The following DPRX variants were observed in gnomAD, a reference collection of about 807,000 sequenced individuals.
The protein encoded by DPRX is divergent paired-related homeobox.
A neutral mutation model predicts 8.4 loss-of-function variants in DPRX; 11 were observed. That is an observed-to-expected ratio of 1.31 (90% CI 0.82 to 2.17). DPRX has a LOEUF of 2.17. Among genes scored for constraint, DPRX ranks in the 30% most tolerant of loss-of-function variants. The pLI is 0.00. For missense variants in DPRX, 211 were observed against 236.7 expected (o/e 0.89, Z 0.71); for synonymous variants, 72 against 87.0 (o/e 0.83, Z 0.96).
chr19:53,622,030 G>A, the DPRX span, among the ~76,000 whole-genome samples: 1 of 152,048 alleles, frequency 6.6e-6, no homozygotes, highest in African/African-American at 2.4e-5. Flanking sequence ...CTGCTAGGGT[G>A]ACTCAGGCCT....
exon 1 of DPRX, chr19:53,632,089 G>A (rs570529992): frequency 3.6e-5 from 58 of 1,613,818 alleles, no homozygotes; most frequent in Non-Finnish European, 4.6e-5. Flanking sequence ...GAACCCAGGC[G>A]CACATCTGGA....
the DPRX span, among the ~76,000 whole-genome samples, chr19:53,623,325 A>T: frequency 6.8e-6 from 1 of 147,922 alleles, no homozygotes; most frequent in Non-Finnish European, 1.5e-5. Context: ...AAATAAATAA[A>T]TAAATAAATA....
At chr19:53,627,962 G>A (rs1366759153), upstream of DPRX, among the ~76,000 whole-genome samples, 1 of 151,734 alleles carries the variant, frequency 6.6e-6, no homozygotes, top group Non-Finnish European at 1.5e-5. Context: ...AATCCGGGAG[G>A]CGGAGGTTGC....
At chr19:53,614,181 A>T in the DPRX span, among the ~76,000 whole-genome samples, 65 of 151,654 alleles carry the variant, frequency 4.3e-4, no homozygotes, top group Admixed American at 1.1e-3. Flanking sequence ...CAATTTCCTG[A>T]CCTCGTAATC....
At chr19:53,601,483 C>CTTT in the DPRX span, 246 of 308,816 alleles carry the variant, frequency 8.0e-4, no homozygotes, top group Middle Eastern at 2.6e-3. Context: ...AATGCCTATT[C>CTTT]TTTTTTTTTT....
At chr19:53,616,991 C>T in the DPRX span, 3 of 1,154,582 alleles carry the variant, frequency 2.6e-6, no homozygotes, top group Non-Finnish European at 3.9e-6. Flanking sequence ...GGCTCTATGA[C>T]TGATGAACAA....
intron 2 of DPRX, among the ~76,000 whole-genome samples, chr19:53,635,289 C>T (rs11672755): frequency 0.34 from 51,083 of 151,848 alleles, 8,710 homozygotes; most frequent in East Asian, 0.43. Context: ...GGATTATAGG[C>T]ATAAGCCACT....
At chr19:53,629,488 C>T (rs534527396), upstream of DPRX, among the ~76,000 whole-genome samples, 15 of 149,684 alleles carry the variant, frequency 1.0e-4, no homozygotes, top group East Asian at 1.4e-3. Flanking sequence ...GCGATCCTCC[C>T]TTCTTGGCCT....
chr19:53,603,256 ACTC>A, the DPRX span: 1 of 443,930 alleles, frequency 2.3e-6, no homozygotes, highest in South Asian at 1.6e-5. Flanking sequence ...CATCTTCACA[ACTC>A]CTCTCAACTA....
chr19:53,612,978 T>C, the DPRX span, among the ~76,000 whole-genome samples: 1 of 152,070 alleles, frequency 6.6e-6, no homozygotes, highest in Non-Finnish European at 1.5e-5. Context: ...CAGGAATTCC[T>C]TTATGGTCAG....
chr19:53,604,714 A>C, the DPRX span, among the ~76,000 whole-genome samples: 1 of 152,008 alleles, frequency 6.6e-6, no homozygotes, highest in Non-Finnish European at 1.5e-5. Context: ...GTGGTAGCAC[A>C]TGCCTGTAAT....
the DPRX span, among the ~76,000 whole-genome samples, chr19:53,603,719 T>TCTTTTTTTC: frequency 6.6e-6 from 1 of 152,000 alleles, no homozygotes; most frequent in East Asian, 1.9e-4. Context: ...AAGTTTTCTT[T>TCTTTTTTTC]CTTTTTTTCC....
At chr19:53,615,341 C>T in the DPRX span, among the ~76,000 whole-genome samples, 1 of 151,904 alleles carries the variant, frequency 6.6e-6, no homozygotes, top group Non-Finnish European at 1.5e-5. Flanking sequence ...AGTGCAGTGG[C>T]GTGATCTTGG....
chr19:53,617,216 A>G, the DPRX span: 2 of 849,858 alleles, frequency 2.4e-6, no homozygotes, highest in Non-Finnish European at 4.1e-6. Context: ...CGGCTAGAGT[A>G]TTCGTGAGAA....
chr19:53,603,720 C>CT, the DPRX span, among the ~76,000 whole-genome samples: 8 of 151,058 alleles, frequency 5.3e-5, no homozygotes, highest in Admixed American at 2.7e-4. Context: ...AGTTTTCTTT[C>CT]TTTTTTTCCT....
the DPRX span, chr19:53,604,499 A>G: frequency 6.6e-6 from 1 of 152,664 alleles, no homozygotes; most frequent in Non-Finnish European, 1.5e-5. Flanking sequence ...CAGGAAAGCC[A>G]TGATTGCTAT....
chr19:53,625,939 C>T, the DPRX span, among the ~76,000 whole-genome samples: 1 of 150,920 alleles, frequency 6.6e-6, no homozygotes, highest in African/African-American at 2.4e-5. Flanking sequence ...TGCCCAGTGC[C>T]CCCCCTTTTT....
the DPRX span, among the ~76,000 whole-genome samples, chr19:53,620,701 T>C: frequency 7.3e-5 from 11 of 151,244 alleles, no homozygotes; most frequent in African/African-American, 2.4e-4. Flanking sequence ...TTGTTATTGT[T>C]GTTTTGAGAC....
chr19:53,619,800 A>G, the DPRX span, among the ~76,000 whole-genome samples: 1 of 147,912 alleles, frequency 6.8e-6, no homozygotes, highest in African/African-American at 2.5e-5. Context: ...GATTGCAGTG[A>G]GCCGAGATCA....
Sources: gnomAD v4.1 joint callset for allele counts (sites outside exome capture counted in the v4.1 genomes callset) on GRCh38, gnomAD v4.1.1 for gene constraint, MANE v1.5 for transcripts, NCBI Gene and HGNC (gene_info 2026-07-23, HGNC 2026-07-21) for gene names.